Variants in HECW2 observed in about 807,000 individuals in gnomAD.
HECW2 encodes E3 ubiquitin-protein ligase HECW2.
A neutral mutation model predicts 175.2 loss-of-function variants in HECW2; 61 were observed. That is an observed-to-expected ratio of 0.35 (90% CI 0.28 to 0.43). The LOEUF (loss-of-function observed/expected upper bound fraction) is 0.43, where lower values mean the gene tolerates loss of function less well. Among genes scored for constraint, HECW2 ranks in the 20% least tolerant of loss-of-function variants. The probability of loss-of-function intolerance (pLI) is 1.00; values close to 1 mark genes in which losing one functional copy is unlikely to be tolerated. For missense variants in HECW2, 1,524 were observed against 2,000.5 expected, an observed-to-expected ratio of 0.76 and a Z score of 4.54; for synonymous variants, 671 against 731.0, an observed-to-expected ratio of 0.92 and a Z score of 1.32.
intron 15 of HECW2, among the ~76,000 whole-genome samples, chr2:196,274,742 C>A (rs1689878004): frequency 6.6e-6 from 1 of 152,106 alleles, no homozygotes; most frequent in African/African-American, 2.4e-5. Context: ...TGTGGAGGAG[C>A]TAAATAGGGT....
chr2:196,268,362 C>T (rs943264750), intron 17 of HECW2, among the ~76,000 whole-genome samples: 1 of 152,074 alleles, frequency 6.6e-6, no homozygotes, highest in African/African-American at 2.4e-5. Flanking sequence ...CCATGTGAAT[C>T]CTATGTTAGA....
At chr2:196,243,078 T>G (rs1489712276) in intron 19 of HECW2, among the ~76,000 whole-genome samples, 10 of 152,196 alleles carry the variant, frequency 6.6e-5, no homozygotes. Context: ...GGGTAAAATC[T>G]TAATATAACA....
intron 4 of HECW2, among the ~76,000 whole-genome samples, chr2:196,332,438 C>T (rs1443360275): frequency 6.6e-6 from 1 of 152,150 alleles, no homozygotes; most frequent in African/African-American, 2.4e-5. Flanking sequence ...CGATTAAAGA[C>T]CCATGGCATT....
intron 2 of HECW2, among the ~76,000 whole-genome samples, chr2:196,354,466 C>A (rs1181274239): frequency 6.6e-6 from 1 of 152,240 alleles, no homozygotes; most frequent in Non-Finnish European, 1.5e-5. Context: ...GGAGTGCAAG[C>A]CAACCAAGGC....
chr2:196,569,765 T>A (rs1460948527), intron 1 of HECW2, among the ~76,000 whole-genome samples: 1 of 152,260 alleles, frequency 6.6e-6, no homozygotes, highest in African/African-American at 2.4e-5. Context: ...TTAAGCAAGT[T>A]ACAAAACTTC....
intron 6 of HECW2, 96 bp from the exon 7 acceptor site, chr2:196,322,716 TAAC>T: frequency 8.9e-7 from 1 of 1,129,558 alleles, no homozygotes. Flanking sequence ...TCTTAAATTC[TAAC>T]AACATACAGA....
chr2:196,315,733 T>C (rs1398449420), intron 10 of HECW2: 1 of 152,212 alleles, frequency 6.6e-6, no homozygotes, highest in African/African-American at 2.4e-5. Flanking sequence ...AAACATCTTA[T>C]GTCATTTATG....
At chr2:196,290,199 G>C (rs1464616978) in intron 14 of HECW2, 5 of 152,152 alleles carry the variant, frequency 3.3e-5, no homozygotes, top group Non-Finnish European at 7.3e-5. Context: ...GTAAGACCCA[G>C]ATTAGTAAAA....
intron 1 of HECW2, among the ~76,000 whole-genome samples, chr2:196,452,827 T>C (rs371727489): frequency 6.8e-6 from 1 of 147,384 alleles, no homozygotes; most frequent in Non-Finnish European, 1.5e-5. Context: ...GCCCAATAAA[T>C]GTAGCCTGGT....
chr2:196,371,120 A>C (rs1482043442), intron 2 of HECW2, among the ~76,000 whole-genome samples: 1 of 152,114 alleles, frequency 6.6e-6, no homozygotes, highest in Non-Finnish European at 1.5e-5. Flanking sequence ...TGCCCCCTAA[A>C]GTCTGCATTT....
At chr2:196,293,806 C>G (rs1190466323) in intron 13 of HECW2, among the ~76,000 whole-genome samples, 1 of 152,166 alleles carries the variant, frequency 6.6e-6, no homozygotes, top group Non-Finnish European at 1.5e-5. Flanking sequence ...CCAGATGACA[C>G]AACTAGTATA....
At chr2:196,421,891 G>A (rs763434705) in intron 2 of HECW2, among the ~76,000 whole-genome samples, 17 of 152,172 alleles carry the variant, frequency 1.1e-4, no homozygotes, top group South Asian at 8.3e-4. Context: ...TGCAATTTTC[G>A]AAAACCCATC....
intron 28 of HECW2, among the ~76,000 whole-genome samples, chr2:196,212,543 T>C (rs1349315440): frequency 2.0e-5 from 3 of 152,222 alleles, no homozygotes; most frequent in African/African-American, 7.2e-5. Flanking sequence ...TTTTTATGGC[T>C]GCATAGTATT....
chr2:196,355,425 T>C (rs1215030822), intron 2 of HECW2, among the ~76,000 whole-genome samples: 1 of 152,178 alleles, frequency 6.6e-6, no homozygotes, highest in Non-Finnish European at 1.5e-5. Context: ...CTTCAAGAAT[T>C]TTCTATGACA....
In HECW2 at chr2:196,202,771, G is replaced by T. The variant is rs574962239; in HGVS notation, c.4608-1383C>A. Among the ~76,000 whole-genome samples the T allele has an allele frequency of 1.2e-4, 18 of 152,270 alleles. No homozygotes were observed. The South Asian group carries it at 3.5e-3, about 30-fold the overall frequency. ...GAATGTGAACAGGATCTGTTATATT[G>T]TAAGAATACAGATAGAGTATTCCTT... On this transcript the variant is annotated intron_variant, in intron 28 of 28. Coordinates refer to ENST00000644978, the MANE Select transcript of HECW2 (RefSeq NM_001348768.2).
chr2:196,379,684 CA>C, intron 2 of HECW2, among the ~76,000 whole-genome samples: 1 of 28,266 alleles, frequency 3.5e-5, no homozygotes, highest in African/African-American at 6.4e-5. Flanking sequence ...TACTCCGTCT[CA>C]AAAAAAAAAA....
At chr2:196,235,624 T>C (rs1688217250) in intron 21 of HECW2, among the ~76,000 whole-genome samples, 1 of 150,716 alleles carries the variant, frequency 6.6e-6, no homozygotes, top group Non-Finnish European at 1.5e-5. Flanking sequence ...ACACCTTTTT[T>C]GGAGCACAGG....
chr2:196,211,228 C>T (rs897238150), intron 28 of HECW2, among the ~76,000 whole-genome samples: 1 of 152,212 alleles, frequency 6.6e-6, no homozygotes, highest in Admixed American at 6.5e-5. Flanking sequence ...CAGAAACTCA[C>T]ACCATGGTGG....
intron 1 of HECW2, among the ~76,000 whole-genome samples, chr2:196,528,798 A>C (rs1164344276): frequency 1.3e-5 from 2 of 151,984 alleles, no homozygotes; most frequent in Non-Finnish European, 2.9e-5. Context: ...ATTCTGCAGA[A>C]CTCCAAATTT....
Sources: gnomAD v4.1 joint callset for allele counts (sites outside exome capture counted in the v4.1 genomes callset) on GRCh38, gnomAD v4.1.1 for gene constraint, MANE v1.5 for transcripts, NCBI Gene and HGNC (gene_info 2026-07-23, HGNC 2026-07-21) for gene names.